The following DTNA variants were observed in gnomAD, a reference collection of about 807,000 sequenced individuals.
DTNA encodes dystrobrevin alpha, also known as dystrophin-related protein 3.
In DTNA, 43 loss-of-function variants were observed where a neutral mutation model predicts 100.7. The ratio of observed to expected loss-of-function variants is 0.43; its 90% CI spans 0.33 to 0.55. The LOEUF (loss-of-function observed/expected upper bound fraction) is 0.55. Ranked by LOEUF, DTNA falls within the 20% of genes least tolerant of loss-of-function variation. DTNA has a pLI of 0.04. For synonymous variants in DTNA, 349 were observed against 347.9 expected (o/e 1.00, Z -0.04); for missense variants, 798 against 953.9 (o/e 0.84, Z 2.15).
intron 1 of DTNA, among the ~76,000 whole-genome samples, chr18:34,668,744 G>A (rs2076306339): frequency 6.6e-6 from 1 of 152,138 alleles, no homozygotes; most frequent in South Asian, 2.1e-4. Context: ...TTTTGAGTGA[G>A]TTTCTTAATC....
intron 13 of DTNA, 66 bp downstream of exon 13, chr18:34,838,903 G>GT (rs1187124012): frequency 6.9e-7 from 1 of 1,443,438 alleles, no homozygotes; most frequent in African/African-American, 1.4e-5. Flanking sequence ...GTGACAAGCA[G>GT]TCTCAGCAAG....
intron 7 of DTNA, 187 bp from the exon 8 acceptor site, chr18:34,817,977 C>G: frequency 6.7e-7 from 1 of 1,486,640 alleles, no homozygotes; most frequent in Non-Finnish European, 8.9e-7. Context: ...TTCATTTCCC[C>G]ACAGGCATGA....
intron 1 of DTNA, among the ~76,000 whole-genome samples, chr18:34,572,064 AT>A (rs1313182635): frequency 6.6e-6 from 1 of 152,206 alleles, no homozygotes; most frequent in African/African-American, 2.4e-5. Context: ...AATGCATAAT[AT>A]ATATGTAAAA....
intron 1 of DTNA, among the ~76,000 whole-genome samples, chr18:34,575,017 A>G (rs2047978069): frequency 6.6e-6 from 1 of 152,258 alleles, no homozygotes; most frequent in South Asian, 2.1e-4. Flanking sequence ...TTACTAAAAT[A>G]GTACAACAAC....
intron 18 of DTNA, among the ~76,000 whole-genome samples, chr18:34,876,183 T>C (rs548930969): frequency 6.6e-6 from 1 of 152,342 alleles, no homozygotes; most frequent in South Asian, 2.1e-4. Context: ...ACATACTCTT[T>C]TTTTCACACA....
intron 20 of DTNA, among the ~76,000 whole-genome samples, chr18:34,881,437 C>CT (rs752828928): frequency 0.34 from 17,544 of 51,436 alleles, 5,052 homozygotes; most frequent in Non-Finnish European, 0.43. Context: ...AATTAAAATG[C>CT]TTTTTTTTTT....
intron 6 of DTNA, among the ~76,000 whole-genome samples, chr18:34,812,499 T>C (rs2095505623): frequency 6.6e-6 from 1 of 152,166 alleles, no homozygotes; most frequent in Non-Finnish European, 1.5e-5. Context: ...ACAATCCTGG[T>C]GGAAGGTGAA....
intron 1 of DTNA, among the ~76,000 whole-genome samples, chr18:34,611,545 T>C (rs1020831055): frequency 4.6e-5 from 7 of 152,134 alleles, no homozygotes; most frequent in Admixed American, 4.6e-4. Flanking sequence ...CTGTGAAAAG[T>C]GGCACCCGAG....
chr18:34,755,606 C>A, intron 1 of DTNA: 1 of 278,574 alleles, frequency 3.6e-6, no homozygotes, highest in South Asian at 3.9e-5. Context: ...GAATGGGATC[C>A]ACAATATCTG....
At chr18:34,651,602 G>T (rs974049249) in intron 1 of DTNA, among the ~76,000 whole-genome samples, 2 of 152,264 alleles carry the variant, frequency 1.3e-5, no homozygotes, top group South Asian at 2.1e-4. Context: ...AAATACAGCT[G>T]CCAGAAGGGC....
chr18:34,818,477 C>T (rs1359576270), intron 8 of DTNA, 147 bp downstream of exon 8: 1 of 1,529,786 alleles, frequency 6.5e-7, no homozygotes, highest in South Asian at 1.2e-5. Flanking sequence ...TCCCACTCTC[C>T]ACCCTACTGC....
intron 20 of DTNA, among the ~76,000 whole-genome samples, chr18:34,880,260 AG>A (rs1157546227): frequency 3.3e-5 from 5 of 152,166 alleles, no homozygotes; most frequent in African/African-American, 1.2e-4. Context: ...TATTTGCAAA[AG>A]TTTTCACCCA....
chr18:34,511,727 T>C (rs978844637), intron 1 of DTNA, among the ~76,000 whole-genome samples: 3 of 152,098 alleles, frequency 2.0e-5, no homozygotes, highest in Admixed American at 6.6e-5. Flanking sequence ...GTGAAAGATA[T>C]ACAGAATCAG....
At chr18:34,496,241 C>CACACACACAT (rs1298206981) in intron 1 of DTNA, among the ~76,000 whole-genome samples, 2 of 151,788 alleles carry the variant, frequency 1.3e-5, no homozygotes, top group East Asian at 3.9e-4. Context: ...CACACACACA[C>CACACACACAT]ACACCAGAAT....
intron 1 of DTNA, among the ~76,000 whole-genome samples, chr18:34,734,513 A>T (rs2089102886): frequency 6.6e-6 from 1 of 152,190 alleles, no homozygotes; most frequent in African/African-American, 2.4e-5. Context: ...ATTGCAGGTC[A>T]GCCACTTGCA....
At chr18:34,742,457 C>T (rs1190165609) in intron 1 of DTNA, among the ~76,000 whole-genome samples, 1 of 152,032 alleles carries the variant, frequency 6.6e-6, no homozygotes, top group Non-Finnish European at 1.5e-5. Flanking sequence ...TCTTCGAATC[C>T]TCTCTCAACA....
chr18:34,676,297 A>G (rs556153898), intron 1 of DTNA, among the ~76,000 whole-genome samples: 38 of 152,288 alleles, frequency 2.5e-4, no homozygotes, highest in African/African-American at 9.1e-4. Flanking sequence ...TGCAACTTCC[A>G]TCTAACCTAC....
chr18:34,783,928 C>G (rs1183339390), intron 3 of DTNA, among the ~76,000 whole-genome samples: 2 of 152,160 alleles, frequency 1.3e-5, no homozygotes, highest in African/African-American at 2.4e-5. Flanking sequence ...CCACAGTGCT[C>G]CCAGGAAATT....
chr18:34,853,051 A>G lies in DTNA; in HGVS notation c.1532+1123A>G, dbSNP rs28593754. 3.8e-3 allele frequency among the ~76,000 whole-genome samples: 572 copies of G among 152,352 alleles called. 3 individuals are homozygous for G. The highest frequency in any genetic ancestry group is 0.013 in the African/African-American group (542 of 41,586). ...CAGAACCAGGCCTGGCAATTGTAGA[A>G]GCTCAGTAGATATACATTGAGTGAG... On this transcript the variant is annotated intron_variant, in intron 15 of 22. Transcript: ENST00000444659.
Sources: gnomAD v4.1 joint callset for allele counts (sites outside exome capture counted in the v4.1 genomes callset) on GRCh38, gnomAD v4.1.1 for gene constraint, MANE v1.5 for transcripts, NCBI Gene and HGNC (gene_info 2026-07-23, HGNC 2026-07-21) for gene names.